PANK4: variants seen among roughly 807,000 people sequenced by gnomAD.
PANK4 encodes the protein 4'-phosphopantetheine phosphatase.
In PANK4, 40 loss-of-function variants were observed where a neutral mutation model predicts 87.9. The ratio of observed to expected loss-of-function variants is 0.46; its 90% CI spans 0.35 to 0.59. The LOEUF is 0.59. Among genes scored for constraint, PANK4 ranks in the 20% least tolerant of loss-of-function variants. The probability of loss-of-function intolerance (pLI) is 0.00; values close to 1 mark genes in which losing one functional copy is unlikely to be tolerated. For synonymous variants in PANK4, 524 were observed against 467.4 expected, an observed-to-expected ratio of 1.12 and a Z score of -1.56; for missense variants, 926 against 1,072.3, an observed-to-expected ratio of 0.86 and a Z score of 1.90.
At position 2,519,065 on chromosome 1, in the gene PANK4, G is replaced by C; in HGVS notation, c.1035+78C>G. ...TCCAGGCCTCCCTGGGGGTGCTGCGGTGTCTAACCAGCATGACTGATTGGG... is the reference window on the plus strand; with the variant it reads ...TCCAGGCCTCCCTGGGGGTGCTGCGCTGTCTAACCAGCATGACTGATTGGG... On this transcript the variant is annotated intron_variant, in intron 7 of 18. Coordinates refer to ENST00000378466, the MANE Select transcript of PANK4 (RefSeq NM_018216.4). The surrounding 1 kb of genome is among the most constrained non-coding windows in gnomAD (Gnocchi z 8.3). The C allele has an allele frequency of 7.3e-7, 1 of 1,363,272 alleles. No individual in the cohort carries two copies. The highest frequency in any genetic ancestry group is 1.0e-6 in the Non-Finnish European group (1 of 976,722). 84.4% of individuals were successfully genotyped at this position (1,363,272 alleles called of 1,614,324 possible).
intron 12 of PANK4, 43 bp downstream of exon 12, chr1:2,513,959 C>A: frequency 7.2e-7 from 1 of 1,398,556 alleles, no homozygotes; most frequent in East Asian, 2.3e-5. Flanking sequence ...GCCAGCGGGA[C>A]GGGGACAAGA....
Position 2,514,067 on chromosome 1 carries a change from G to A in PANK4, c.1510C>T (p.Arg504Cys), listed in dbSNP as rs1024234194. ...QPFAYGTLTVRSLLDTREHCL... is the reference protein window; with the variant it reads ...QPFAYGTLTVCSLLDTREHCL... ...TGCTCCCTGGTGTCCAGCAGGCTGC[G>A]CACGGTCAGGGTCCCATAGGCGCTG... is the stretch of plus-strand genomic sequence containing the variant. Residue 504 changes from arginine to cysteine, a missense_variant, in exon 12 of 19, where the codon CGC becomes TGC. Physicochemically the swap from Arg to Cys is radical, Grantham distance 180. Transcript: ENST00000378466. 6 of 1,612,494 alleles carry A rather than the reference G, an allele frequency of 3.7e-6. No homozygotes were observed. Among genetic ancestry groups the A allele is most frequent in the Non-Finnish European group, 4.2e-6 (5 of 1,179,724 alleles).
At chr1:2,516,669 G>A (rs898334511) in intron 9 of PANK4, among the ~76,000 whole-genome samples, 4 of 152,148 alleles carry the variant, frequency 2.6e-5, no homozygotes, top group Admixed American at 2.6e-4. Flanking sequence ...CCAGAGCAAA[G>A]GGGACGCCTT....
rs1643867491 is a variant in PANK4, at chr1:2,520,677, CT to C, written c.606+45del. The stretch of plus-strand genomic sequence containing the variant: ...CTGCACACAGCGAGGGCTTAACAAA[CT>C]ATGGCTAAACCATCCACTCATTCAT... On this transcript the variant is annotated intron_variant, in intron 4 of 18. Coordinates refer to ENST00000378466, the MANE Select transcript of PANK4 (RefSeq NM_018216.4). The surrounding 1 kb of genome is among the most constrained non-coding windows in gnomAD (Gnocchi z 6.2). 2 of 1,569,298 alleles carry C rather than the reference CT, an allele frequency of 1.3e-6. No individual in the cohort carries two copies. Among genetic ancestry groups the C allele is most frequent in the Non-Finnish European group, 1.7e-6 (2 of 1,145,826 alleles).
In PANK4 at chr1:2,519,807, CG is replaced by C; in HGVS notation, c.846del (p.Asp283ThrfsTer16). The C allele has an allele frequency of 6.3e-7, 1 of 1,577,070 alleles. No homozygotes were observed. ...IASSFGKSAT[A>X]DQEFSKEDMA... ...CAGAGGCCGGGGTGAGCACCTTGGT[CG>C]GCGGTGGCCGACTTCCCGAAGCTGC... On this transcript the variant is annotated frameshift_variant, in exon 6 of 19. Transcript: ENST00000378466. LOFTEE classifies it high-confidence loss of function. The surrounding 1 kb of genome is among the most constrained non-coding windows in gnomAD (Gnocchi z 8.3).
intron 1 of PANK4, among the ~76,000 whole-genome samples, chr1:2,525,201 G>A (rs1643909870): frequency 6.6e-6 from 1 of 152,164 alleles, no homozygotes; most frequent in Non-Finnish European, 1.5e-5. Context: ...CATGTCAGAT[G>A]CACCAGGAGC....
intron 7 of PANK4, 55 bp from the exon 8 acceptor site, chr1:2,518,652 T>A (rs1393753237): frequency 1.4e-6 from 2 of 1,422,982 alleles, no homozygotes; most frequent in African/African-American, 1.4e-5. Context: ...ACCCGGTGCC[T>A]CCGCAAACCA....
Position 2,508,865 on chromosome 1 carries a change from G to A in PANK4, c.2304C>T (p.Tyr768=), listed in dbSNP as rs765337736. The change falls in exon 19 of 19, where the codon TAC becomes TAT. Residue 768 remains tyrosine (Y), a synonymous_variant. Transcript: ENST00000378466. This position sits in a 1 kb window ranked among gnomAD's most constrained non-coding sequence, Gnocchi z 5.1. Reference sequence around the variant, plus strand: ...CAGCGCCTCACTCGGCTGGGACCTCGTACTTGAAGATGACGCTGAAGAGCC... The same window carrying A: ...CAGCGCCTCACTCGGCTGGGACCTCATACTTGAAGATGACGCTGAAGAGCC... The part of the protein sequence containing the change: ...GGRLFSVIFK[Y]EVPAE 12 of 1,598,412 alleles carry A rather than the reference G, an allele frequency of 7.5e-6. No homozygotes were observed. In the Admixed American group the frequency reaches 1.5e-4, roughly 20 times the overall value.
At position 2,520,061 on chromosome 1, in the gene PANK4, T is replaced by A. The variant is rs1197014101; in HGVS notation, c.700-107A>T. The stretch of plus-strand genomic sequence containing the variant: ...GAGGCACGCGCGGGCAGGGGGTAAA[T>A]GGGCCCTCATCGCGTGGGACCAAAG... On this transcript the variant is annotated intron_variant, in intron 5 of 18. Transcript: ENST00000378466. The surrounding 1 kb of genome is among the most constrained non-coding windows in gnomAD (Gnocchi z 6.2). The A allele has an allele frequency of 2.5e-5, 28 of 1,101,090 alleles. No individual in the cohort carries two copies. The highest frequency in any genetic ancestry group is 3.6e-5 in the Non-Finnish European group (28 of 783,218). The allele number at this position is 1,101,090 out of a possible 1,614,324, so 68.2% of individuals were successfully genotyped here. A position where few individuals can be genotyped will look rare whatever the true frequency, so the allele number is the denominator to read the frequency against.
chr1:2,518,691 C>A, intron 7 of PANK4, 94 bp from the exon 8 acceptor site: 2 of 1,066,312 alleles, frequency 1.9e-6, no homozygotes, highest in Non-Finnish European at 2.8e-6. Flanking sequence ...TCGCACCGCG[C>A]GGCCCAAACC....
In PANK4 at chr1:2,520,179, A is replaced by G; in HGVS notation, c.699+143T>C. On this transcript the variant is annotated intron_variant, in intron 5 of 18. Transcript: ENST00000378466. This position sits in a 1 kb window ranked among gnomAD's most constrained non-coding sequence, Gnocchi z 6.2. ...CCAACCCTCAGGGCGCAAAGAGTGA[A>G]GCCGCAGAGGCCAGAGACCCACTGA... The G allele has an allele frequency of 2.4e-6, 2 of 816,344 alleles. No homozygotes were observed. The highest frequency in any genetic ancestry group is 1.7e-5 in the South Asian group (1 of 60,304). The allele number at this position is 816,344 out of a possible 1,614,324, so 50.6% of individuals were successfully genotyped here.
rs1027692377 is a variant in PANK4, at chr1:2,508,774, C to T, written c.*73G>A. 2.0e-5 allele frequency: 18 copies of T among 893,942 alleles called. No homozygotes were observed. Among genetic ancestry groups the T allele is most frequent in the Admixed American group, 1.4e-4 (7 of 48,492 alleles). The allele number at this position is 893,942 out of a possible 1,614,324, so 55.4% of individuals were successfully genotyped here. A position where few individuals can be genotyped will look rare whatever the true frequency, so the allele number is the denominator to read the frequency against. On this transcript the variant is annotated 3_prime_UTR_variant, in exon 19 of 19. Transcript: ENST00000378466. The surrounding 1 kb of genome is among the most constrained non-coding windows in gnomAD (Gnocchi z 5.1). ...TACCATATAAATACGTTGATTTGAA[C>T]GCAGTTTCCCTGTGGTGGTAAAAAC...
chr1:2,510,009 G>A lies in PANK4; in HGVS notation c.2039+48C>T, dbSNP rs1557435500. The A allele has an allele frequency of 6.3e-6, 10 of 1,577,470 alleles. No individual in the cohort carries two copies. The highest frequency in any genetic ancestry group is 2.7e-5 in the African/African-American group (2 of 74,196). ...CCCCATGGCCCACTCTGCCCAGCTG[G>A]TGCCCCTCCCCATCAAGGCCCCCCC... On this transcript the variant is annotated intron_variant, in intron 17 of 18. Transcript: ENST00000378466. The surrounding 1 kb of genome is among the most constrained non-coding windows in gnomAD (Gnocchi z 4.9).
chr1:2,520,263 G>T lies in PANK4; in HGVS notation c.699+59C>A, dbSNP rs200971483. 24 of 1,503,604 alleles carry T rather than the reference G, an allele frequency of 1.6e-5. 1 individual carries two copies. The East Asian group carries it at 5.2e-4, about 33-fold the overall frequency. 93.1% of individuals were successfully genotyped at this position (1,503,604 alleles called of 1,614,324 possible). A position where few individuals can be genotyped will look rare whatever the true frequency, so the allele number is the denominator to read the frequency against. On this transcript the variant is annotated intron_variant, in intron 5 of 18. Coordinates refer to ENST00000378466, the MANE Select transcript of PANK4 (RefSeq NM_018216.4). The surrounding 1 kb of genome is among the most constrained non-coding windows in gnomAD (Gnocchi z 6.2). ...TGCACCGCCCAGCTGCAGGCCTTCG[G>T]GGGAAGGAAGCAGACATCTCCGCAG...
chr1:2,509,806 G>T lies in PANK4; in HGVS notation c.2108+56C>A, dbSNP rs937372122. ...CGCATGCACCTGGGTGCAGGTGCAC[G>T]GCACAGAGGGCACAGAGCCCAGGAG... On this transcript the variant is annotated intron_variant, in intron 18 of 18. Transcript: ENST00000378466. The surrounding 1 kb of genome is among the most constrained non-coding windows in gnomAD (Gnocchi z 4.9). The T allele has an allele frequency of 6.0e-6, 9 of 1,499,414 alleles. No homozygotes were observed. The East Asian group carries it at 2.0e-4, about 34-fold the overall frequency. The allele number at this position is 1,499,414 out of a possible 1,614,324, so 92.9% of individuals were successfully genotyped here.
In PANK4 at chr1:2,511,675, T is replaced by G; in HGVS notation, c.1736A>C (p.Glu579Ala). The change falls in exon 14 of 19, where the codon GAA becomes GCA. Residue 579 changes from glutamate to alanine, a missense_variant. By Grantham distance (107) the Glu-to-Ala change is moderately radical. Transcript: ENST00000378466. ...WGAKAVSAVL[E>A]SDPYFGFEEA... ...TTCAAACCCAAAGTAGGGGTCGGAT[T>G]CAAGGACACTGCATGGAGGAGGAGA... 1 of 1,603,534 alleles carries G rather than the reference T, an allele frequency of 6.2e-7. No individual in the cohort carries two copies. Among genetic ancestry groups the G allele is most frequent in the Non-Finnish European group, 8.5e-7 (1 of 1,170,724 alleles).
chr1:2,519,774 T>C lies in PANK4; in HGVS notation c.853+27A>G. ...CCCAAGTGTCCCCACCATCCTGCTC[T>C]CTGGCGGCAGAGGCCGGGGTGAGCA... On this transcript the variant is annotated intron_variant, in intron 6 of 18. Transcript: ENST00000378466. The surrounding 1 kb of genome is among the most constrained non-coding windows in gnomAD (Gnocchi z 8.3). 1.3e-6 allele frequency: 2 copies of C among 1,550,412 alleles called. No homozygotes were observed. The highest frequency in any genetic ancestry group is 8.7e-7 in the Non-Finnish European group (1 of 1,148,390).
chr1:2,522,125 T>A (rs1643880289), intron 1 of PANK4, among the ~76,000 whole-genome samples: 1 of 152,272 alleles, frequency 6.6e-6, no homozygotes, highest in African/African-American at 2.4e-5. Flanking sequence ...TTATCCTCAC[T>A]GCTTTAAGAA....
At chr1:2,518,111 T>C (rs1419985808) in intron 9 of PANK4, 53 bp downstream of exon 9, 1 of 1,116,604 alleles carries the variant, frequency 9.0e-7, no homozygotes, top group African/African-American at 1.5e-5. Context: ...GCGAGGTGAG[T>C]GCGGCATAGG....
Sources: allele counts gnomAD v4.1 joint callset (sites outside exome capture counted in the v4.1 genomes callset), GRCh38; gene constraint gnomAD v4.1.1; non-coding constraint Gnocchi (gnomAD v3.1); transcripts MANE v1.5; gene names NCBI Gene and HGNC (gene_info 2026-07-23, HGNC 2026-07-21).